TNR: variants seen among roughly 807,000 people sequenced by gnomAD.
The protein encoded by TNR is tenascin-R.
A neutral mutation model predicts 150.4 loss-of-function variants in TNR; 45 were observed. That is an observed-to-expected ratio of 0.30 (90% CI 0.24 to 0.38). TNR has a LOEUF of 0.38. TNR is among the 10% of genes least tolerant of loss of function. TNR has a pLI of 1.00. For synonymous variants in TNR, 687 were observed against 678.4 expected (o/e 1.01, Z -0.20); for missense variants, 1,544 against 1,759.1 (o/e 0.88, Z 2.19).
chr1:175,741,655 G>C lies in TNR; in HGVS notation c.-165+1571C>G, dbSNP rs560689004. 1.8e-3 allele frequency among the ~76,000 whole-genome samples: 267 copies of C among 152,204 alleles called. 1 individual carries two copies. The highest frequency in any genetic ancestry group is 5.6e-3 in the African/African-American group (234 of 41,520). On this transcript the variant is annotated intron_variant, in intron 1 of 22. Transcript: ENST00000367674. Reference sequence around the variant, plus strand: ...TGCATTCTACTTCCTGCCACTCTAGGGAGATGCTAAGATTTCTGGATCCAA... The same window carrying C: ...TGCATTCTACTTCCTGCCACTCTAGCGAGATGCTAAGATTTCTGGATCCAA...
rs1396814891 is a variant in TNR at position 175,359,675 on chromosome 1, G to T, written c.2911C>A (p.Leu971Met). The change falls in exon 15 of 23, where the codon CTG becomes ATG. Residue 971 changes from leucine to methionine, a missense_variant. Leu to Met is a conservative substitution (Grantham distance 15). Coordinates refer to ENST00000367674, the MANE Select transcript of TNR (RefSeq NM_003285.3). ...TCACCCACTGGTGCCTTCCACTGCA[G>T]CAGGGCTTCTGTTGGAGTGATATTG... ...ATNITPTEAL[L>M]QWKAPVGEVE... The T allele has an allele frequency of 1.9e-6, 3 of 1,613,822 alleles. No homozygotes were observed. The highest frequency in any genetic ancestry group is 2.5e-6 in the Non-Finnish European group (3 of 1,179,916).
At chr1:175,546,390 G>A (rs1179361066) in intron 1 of TNR, among the ~76,000 whole-genome samples, 2 of 152,206 alleles carry the variant, frequency 1.3e-5, no homozygotes, top group Admixed American at 6.5e-5. Context: ...GAATCTGCTG[G>A]TGTAGCGGCC....
At chr1:175,474,096 G>A (rs924004460) in intron 2 of TNR, among the ~76,000 whole-genome samples, 2 of 152,110 alleles carry the variant, frequency 1.3e-5, no homozygotes, top group African/African-American at 4.8e-5. Context: ...TCTATAATAT[G>A]AGATCTTCCC....
At chr1:175,481,886 G>T (rs894998351) in intron 2 of TNR, among the ~76,000 whole-genome samples, 3 of 152,100 alleles carry the variant, frequency 2.0e-5, no homozygotes, top group African/African-American at 7.2e-5. Context: ...CCTCCTGCTG[G>T]AAGTTGGGAA....
At chr1:175,729,964 C>T (rs2101952512) in intron 1 of TNR, among the ~76,000 whole-genome samples, 1 of 152,302 alleles carries the variant, frequency 6.6e-6, no homozygotes, top group Non-Finnish European at 1.5e-5. Context: ...CTGTAATTCT[C>T]TGATGAAAGA....
rs532205048 is a variant in TNR at position 175,617,485 on chromosome 1, T to C, written c.-164-89116A>G. The stretch of plus-strand genomic sequence containing the variant: ...CGATTTGGTGACAATGCGATCCCTC[T>C]GCCCTATGTCCCATTACCTTCCACA... On this transcript the variant is annotated intron_variant, in intron 1 of 22. Transcript: ENST00000367674. 3.3e-5 allele frequency among the ~76,000 whole-genome samples: 5 copies of C among 152,318 alleles called. No homozygotes were observed. The East Asian group carries it at 7.7e-4, about 23-fold the overall frequency.
intron 1 of TNR, among the ~76,000 whole-genome samples, chr1:175,676,807 G>A (rs183164631): frequency 3.3e-5 from 5 of 152,270 alleles, no homozygotes; most frequent in East Asian, 1.9e-4. Context: ...AAAGAACCAC[G>A]GGACTCTCCT....
intron 2 of TNR, among the ~76,000 whole-genome samples, chr1:175,440,241 T>G (rs1655720248): frequency 6.6e-6 from 1 of 152,116 alleles, no homozygotes; most frequent in South Asian, 2.1e-4. Flanking sequence ...TGGATGAAGC[T>G]GGAAACCATC....
At chr1:175,731,945 G>A (rs1463005187) in intron 1 of TNR, among the ~76,000 whole-genome samples, 1 of 152,124 alleles carries the variant, frequency 6.6e-6, no homozygotes, top group Non-Finnish European at 1.5e-5. Context: ...GGCATGTTGT[G>A]GGTGGCTATA....
chr1:175,608,053 T>G lies in TNR; in HGVS notation c.-164-79684A>C, dbSNP rs528983937. Among the ~76,000 whole-genome samples, 13 of 152,324 alleles carry G rather than the reference T, an allele frequency of 8.5e-5. No homozygotes were observed. In the East Asian group the frequency reaches 2.5e-3, roughly 29 times the overall value. ...AAGAGGCAAGGAGCTTTGCTGTCTG[T>G]ACAAGTTCTCCCCTAGATTGCAGCT... is the stretch of plus-strand genomic sequence containing the variant. On this transcript the variant is annotated intron_variant, in intron 1 of 22. Transcript: ENST00000367674.
intron 1 of TNR, among the ~76,000 whole-genome samples, chr1:175,680,051 C>T (rs1665981895): frequency 6.6e-6 from 1 of 152,298 alleles, no homozygotes; most frequent in South Asian, 2.1e-4. Context: ...TAGCTGAGAA[C>T]CATGTACACC....
At chr1:175,604,414 G>A (rs1055788704) in intron 1 of TNR, among the ~76,000 whole-genome samples, 4 of 152,168 alleles carry the variant, frequency 2.6e-5, no homozygotes, top group Non-Finnish European at 5.9e-5. Flanking sequence ...AAGGAACTCC[G>A]GGTTGGAAAT....
At chr1:175,427,068 T>TA (rs1240914744) in intron 2 of TNR, among the ~76,000 whole-genome samples, 2 of 149,634 alleles carry the variant, frequency 1.3e-5, no homozygotes, top group African/African-American at 4.9e-5. Context: ...TAGTCTGATG[T>TA]GTTCTCCATT....
At chr1:175,374,302 A>C (rs529045228) in intron 9 of TNR, among the ~76,000 whole-genome samples, 8 of 152,252 alleles carry the variant, frequency 5.3e-5, no homozygotes, top group Non-Finnish European at 8.8e-5. Context: ...TGGGCCAGAA[A>C]CCTTGAAGGC....
intron 2 of TNR, among the ~76,000 whole-genome samples, chr1:175,437,672 G>C (rs574144793): frequency 2.6e-5 from 4 of 151,920 alleles, no homozygotes; most frequent in African/African-American, 7.3e-5. Flanking sequence ...TCAAATAGAC[G>C]CAATAAAAAA....
At chr1:175,465,182 T>C (rs572941459) in intron 2 of TNR, among the ~76,000 whole-genome samples, 1 of 152,306 alleles carries the variant, frequency 6.6e-6, no homozygotes, top group East Asian at 1.9e-4. Flanking sequence ...CAGCCTATAA[T>C]CCCAGCTCTA....
chr1:175,360,809 A>G (rs1651555092), intron 14 of TNR, among the ~76,000 whole-genome samples: 1 of 152,250 alleles, frequency 6.6e-6, no homozygotes, highest in African/African-American at 2.4e-5. Context: ...TATCTGAGAC[A>G]TGCATGATAC....
rs559287895 is a variant in TNR at position 175,716,658 on chromosome 1, T to C, written c.-165+26568A>G. The stretch of plus-strand genomic sequence containing the variant: ...AGTGAATCTCAATCCAAGCTGCAAA[T>C]AGAATCATTCAGGGAGTTTTATAAA... On this transcript the variant is annotated intron_variant, in intron 1 of 22. Transcript: ENST00000367674. Among the ~76,000 whole-genome samples, 4 of 152,290 alleles carry C rather than the reference T, an allele frequency of 2.6e-5. No individual in the cohort carries two copies. The East Asian group carries it at 5.8e-4, about 22-fold the overall frequency.
chr1:175,345,765 TAAATAA>T (rs1336180781), intron 18 of TNR, among the ~76,000 whole-genome samples: 3 of 151,908 alleles, frequency 2.0e-5, no homozygotes, highest in African/African-American at 4.8e-5. Flanking sequence ...AGAAAGTGCT[TAAATAA>T]AAATAAAGAT....
Sources: gnomAD v4.1 joint callset for allele counts (sites outside exome capture counted in the v4.1 genomes callset) on GRCh38, gnomAD v4.1.1 for gene constraint, MANE v1.5 for transcripts, NCBI Gene and HGNC (gene_info 2026-07-23, HGNC 2026-07-21) for gene names.